ACOT7: variants seen among roughly 807,000 people sequenced by gnomAD.
The protein encoded by ACOT7 is cytosolic acyl coenzyme A thioester hydrolase.
A neutral mutation model predicts 40.2 loss-of-function variants in ACOT7; 12 were observed. The observed-to-expected ratio is 0.30, with a 90% CI of 0.19 to 0.48. The LOEUF is 0.48. Ranked by LOEUF, ACOT7 falls within the 20% of genes least tolerant of loss-of-function variation. The probability of loss-of-function intolerance (pLI) is 0.99; values close to 1 mark genes in which losing one functional copy is unlikely to be tolerated. For synonymous variants in ACOT7, 228 were observed against 219.5 expected, an observed-to-expected ratio of 1.04 and a Z score of -0.34; for missense variants, 395 against 530.8, an observed-to-expected ratio of 0.74 and a Z score of 2.51.
Position 6,299,195 on chromosome 1 carries a change from G to A in ACOT7, c.713-4215C>T, listed in dbSNP as rs1272554590. Among the ~76,000 whole-genome samples the A allele has an allele frequency of 1.3e-5, 2 of 152,192 alleles. No individual in the cohort carries two copies. Among genetic ancestry groups the A allele is most frequent in the Non-Finnish European group, 2.9e-5 (2 of 68,028 alleles). The stretch of plus-strand genomic sequence containing the variant: ...GTGTCTGTCAGGCAGAGGAGGTGAC[G>A]GCGCCCACAGGCAAGGTGACTGAGG... On this transcript the variant is annotated intron_variant, in intron 6 of 8. Coordinates refer to ENST00000361521, the MANE Select transcript of ACOT7 (RefSeq NM_007274.4). This position sits in a 1 kb window ranked among gnomAD's most constrained non-coding sequence, Gnocchi z 4.1.
intron 1 of ACOT7, chr1:6,360,577 C>CCTT: frequency 6.2e-7 from 1 of 1,614,198 alleles, no homozygotes; most frequent in Non-Finnish European, 8.5e-7. Context: ...CACTGTTTGG[C>CCTT]CTTCTCCCCA....
chr1:6,318,685 G>A (rs1327921334), intron 5 of ACOT7, 107 bp from the exon 6 acceptor site: 16 of 1,092,852 alleles, frequency 1.5e-5, no homozygotes, highest in East Asian at 2.6e-5. Flanking sequence ...CAACGAAGGC[G>A]TCCAAAGCCG....
intron 8 of ACOT7, among the ~76,000 whole-genome samples, chr1:6,269,809 G>C (rs1212420468): frequency 1.3e-5 from 2 of 152,260 alleles, no homozygotes; most frequent in African/African-American, 2.4e-5. Context: ...GGATGTTCCA[G>C]GCTCTGAGAC....
intron 1 of ACOT7, among the ~76,000 whole-genome samples, chr1:6,392,937 C>T (rs1642557706): frequency 6.6e-6 from 1 of 152,010 alleles, no homozygotes; most frequent in Non-Finnish European, 1.5e-5. Context: ...GGTCGCCGGG[C>T]TCTGGAGCTG....
chr1:6,335,594 C>T (rs1404822586), intron 3 of ACOT7, among the ~76,000 whole-genome samples: 2 of 152,302 alleles, frequency 1.3e-5, no homozygotes, highest in African/African-American at 2.4e-5. Flanking sequence ...ACAGGAGCAG[C>T]CCCAGGGCCC....
intron 5 of ACOT7, among the ~76,000 whole-genome samples, chr1:6,319,344 C>T (rs1325601125): frequency 6.6e-6 from 1 of 152,120 alleles, no homozygotes; most frequent in African/African-American, 2.4e-5. Flanking sequence ...AGGCATCTGC[C>T]AGCACACCTG....
chr1:6,339,147 C>A (rs773084673), intron 3 of ACOT7, among the ~76,000 whole-genome samples: 1 of 151,900 alleles, frequency 6.6e-6, no homozygotes, highest in Non-Finnish European at 1.5e-5. Context: ...GAGCTGGCCA[C>A]GGGCAGCAGG....
At chr1:6,339,188 C>T (rs1246345440) in intron 3 of ACOT7, among the ~76,000 whole-genome samples, 4 of 152,206 alleles carry the variant, frequency 2.6e-5, no homozygotes, top group African/African-American at 9.6e-5. Context: ...AGGCCGGACC[C>T]AGACAGCAGG....
At chr1:6,296,688 G>T (rs1246875153) in intron 6 of ACOT7, among the ~76,000 whole-genome samples, 1 of 152,136 alleles carries the variant, frequency 6.6e-6, no homozygotes, top group East Asian at 1.9e-4. Context: ...CTCCCAAAAT[G>T]CTGGGATTAC....
At chr1:6,327,552 T>A in intron 4 of ACOT7, 139 bp from the exon 5 acceptor site, 4 of 677,354 alleles carry the variant, frequency 5.9e-6, no homozygotes, top group Non-Finnish European at 5.0e-6. Context: ...TTAATATAAG[T>A]AATAAGAATA....
intron 1 of ACOT7, among the ~76,000 whole-genome samples, chr1:6,365,511 T>A (rs999354314): frequency 1.8e-4 from 28 of 152,182 alleles, no homozygotes; most frequent in Admixed American, 1.8e-3. Context: ...GGCTCACACC[T>A]GTAATCCCAG....
chr1:6,311,918 T>G lies in ACOT7; in HGVS notation c.712+6574A>C, dbSNP rs1640342103. ...CCCGACTCCCAGGGTCTGGGTCACCTGTCGGGTGGGGTCTGGGTGTCTGTG... is the reference window on the plus strand; with the variant it reads ...CCCGACTCCCAGGGTCTGGGTCACCGGTCGGGTGGGGTCTGGGTGTCTGTG... On this transcript the variant is annotated intron_variant, in intron 6 of 8. Transcript: ENST00000361521. The surrounding 1 kb of genome is among the most constrained non-coding windows in gnomAD (Gnocchi z 5.2). Among the ~76,000 whole-genome samples, 1 of 152,156 alleles carries G rather than the reference T, an allele frequency of 6.6e-6. No homozygotes were observed. The highest frequency in any genetic ancestry group is 1.5e-5 in the Non-Finnish European group (1 of 68,018).
At chr1:6,366,257 T>C (rs923294292) in intron 1 of ACOT7, among the ~76,000 whole-genome samples, 3 of 151,928 alleles carry the variant, frequency 2.0e-5, no homozygotes, top group Admixed American at 6.6e-5. Flanking sequence ...AACAATGACA[T>C]TGACCACATC....
At chr1:6,322,863 G>T (rs542783986) in intron 5 of ACOT7, among the ~76,000 whole-genome samples, 4 of 152,284 alleles carry the variant, frequency 2.6e-5, no homozygotes, top group African/African-American at 7.2e-5. Flanking sequence ...GGGCGCAGTG[G>T]CTCATGCCTG....
At chr1:6,305,258 C>T (rs1301358422) in intron 6 of ACOT7, among the ~76,000 whole-genome samples, 67 of 146,176 alleles carry the variant, frequency 4.6e-4, no homozygotes, top group Admixed American at 8.8e-4. Context: ...GCTGACCCCC[C>T]CACCTCCCTC....
chr1:6,349,197 G>A (rs1641518181), intron 2 of ACOT7, among the ~76,000 whole-genome samples: 1 of 152,266 alleles, frequency 6.6e-6, no homozygotes, highest in South Asian at 2.1e-4. Context: ...TAGGGTCACA[G>A]GGCCCTCCCG....
At chr1:6,321,624 C>T (rs1257267974) in intron 5 of ACOT7, among the ~76,000 whole-genome samples, 1 of 152,242 alleles carries the variant, frequency 6.6e-6, no homozygotes, top group African/African-American at 2.4e-5. Context: ...ACGCCATTCT[C>T]CTGCCTCAGC....
chr1:6,350,002 C>G (rs975516922), intron 1 of ACOT7, 136 bp from the exon 2 acceptor site: 6 of 853,794 alleles, frequency 7.0e-6, no homozygotes, highest in East Asian at 2.6e-5. Flanking sequence ...AATGTTTGGG[C>G]TCTTCCTAGG....
chr1:6,292,066 G>A (rs1175069599), intron 7 of ACOT7, among the ~76,000 whole-genome samples: 2 of 152,248 alleles, frequency 1.3e-5, no homozygotes, highest in Non-Finnish European at 2.9e-5. Context: ...CAACACACGA[G>A]TGTGACAGCA....
Sources: allele counts gnomAD v4.1 joint callset (sites outside exome capture counted in the v4.1 genomes callset), GRCh38; gene constraint gnomAD v4.1.1; non-coding constraint Gnocchi (gnomAD v3.1); transcripts MANE v1.5; gene names NCBI Gene and HGNC (gene_info 2026-07-23, HGNC 2026-07-21).